THSD7A: variants seen among roughly 807,000 people sequenced by gnomAD.
THSD7A encodes the protein thrombospondin type 1 domain containing 7A, also known as thrombospondin type-1 domain-containing protein 7A.
A neutral mutation model predicts 231.3 loss-of-function variants in THSD7A; 96 were observed. The observed-to-expected ratio is 0.41, with a 90% CI of 0.35 to 0.49. The LOEUF (loss-of-function observed/expected upper bound fraction) is 0.49. Among genes scored for constraint, THSD7A ranks in the 20% least tolerant of loss-of-function variants. The probability of loss-of-function intolerance (pLI) is 0.05; values close to 1 mark genes in which losing one functional copy is unlikely to be tolerated. For missense variants in THSD7A, 2,290 were observed against 2,070.2 expected (o/e 1.11, Z -2.06); for synonymous variants, 940 against 743.3 (o/e 1.26, Z -4.30).
intron 1 of THSD7A, among the ~76,000 whole-genome samples, chr7:11,828,507 A>G (rs919710283): frequency 6.6e-6 from 1 of 152,160 alleles, no homozygotes; most frequent in Admixed American, 6.5e-5. Context: ...GTTCATGTGT[A>G]TGGTATGCCA....
chr7:11,822,665 A>C (rs913999793), intron 1 of THSD7A, among the ~76,000 whole-genome samples: 2 of 152,050 alleles, frequency 1.3e-5, no homozygotes, highest in Non-Finnish European at 2.9e-5. Flanking sequence ...CATTCCCACC[A>C]ATCATGTAGT....
intron 1 of THSD7A, among the ~76,000 whole-genome samples, chr7:11,732,848 A>AT (rs1047268558): frequency 2.0e-5 from 3 of 151,506 alleles, no homozygotes; most frequent in African/African-American, 7.3e-5. Flanking sequence ...CCTCATACAG[A>AT]TTCTTTTAAA....
intron 1 of THSD7A, among the ~76,000 whole-genome samples, chr7:11,756,170 T>G (rs1217932659): frequency 6.6e-6 from 1 of 152,112 alleles, no homozygotes; most frequent in East Asian, 1.9e-4. Flanking sequence ...CCCTTCCACA[T>G]CTATTATGTT....
intron 4 of THSD7A, among the ~76,000 whole-genome samples, chr7:11,588,376 A>G (rs1780005951): frequency 6.6e-6 from 1 of 152,170 alleles, no homozygotes; most frequent in African/African-American, 2.4e-5. Flanking sequence ...CAAAGACTTT[A>G]AGAAGTTCGT....
At chr7:11,724,262 C>T (rs902929000) in intron 1 of THSD7A, among the ~76,000 whole-genome samples, 3 of 151,872 alleles carry the variant, frequency 2.0e-5, no homozygotes, top group African/African-American at 7.2e-5. Flanking sequence ...AGTTCTGGAG[C>T]TAAACTATAT....
chr7:11,776,251 C>T (rs1783402183), intron 1 of THSD7A, among the ~76,000 whole-genome samples: 2 of 152,112 alleles, frequency 1.3e-5, no homozygotes, highest in African/African-American at 2.4e-5. Flanking sequence ...TCCTGCAGGG[C>T]GGTGAACAAA....
chr7:11,664,213 G>C (rs1394642369), intron 1 of THSD7A, among the ~76,000 whole-genome samples: 1 of 150,826 alleles, frequency 6.6e-6, no homozygotes, highest in Non-Finnish European at 1.5e-5. Context: ...TTATGTGTTA[G>C]AAGAATAAAT....
chr7:11,403,338 A>C (rs896960326), intron 22 of THSD7A, among the ~76,000 whole-genome samples: 18 of 152,206 alleles, frequency 1.2e-4, no homozygotes, highest in African/African-American at 4.3e-4. Context: ...CGTAATAGCA[A>C]AATGGAGTGA....
In THSD7A at chr7:11,370,902, A is replaced by G. The variant is rs1039433410; in HGVS notation, c.*4892T>C. ...ATCTAAATGTTTACTTTCTAAAAAT[A>G]AACACAAACAGATTTCTGAAAAATA... On this transcript the variant is annotated 3_prime_UTR_variant, in exon 28 of 28. Transcript: ENST00000423059. The G allele has an allele frequency of 6.6e-6, 1 of 152,194 alleles. No individual in the cohort carries two copies. The highest frequency in any genetic ancestry group is 2.1e-4 in the South Asian group (1 of 4,836). 9.4% of individuals were successfully genotyped at this position (152,194 alleles called of 1,614,324 possible). A position where few individuals can be genotyped will look rare whatever the true frequency, so the allele number is the denominator to read the frequency against.
At chr7:11,400,986 T>C (rs1273060864) in intron 23 of THSD7A, among the ~76,000 whole-genome samples, 4 of 152,158 alleles carry the variant, frequency 2.6e-5, no homozygotes, top group African/African-American at 9.7e-5. Flanking sequence ...ATTGCTTACA[T>C]TGAGTGAATG....
intron 1 of THSD7A, among the ~76,000 whole-genome samples, chr7:11,744,719 G>T (rs1386312726): frequency 1.3e-5 from 2 of 151,176 alleles, no homozygotes; most frequent in African/African-American, 4.9e-5. Context: ...GTGATAGTTT[G>T]CTGAGAATGA....
At chr7:11,739,565 C>T (rs1022573120) in intron 1 of THSD7A, among the ~76,000 whole-genome samples, 1 of 151,776 alleles carries the variant, frequency 6.6e-6, no homozygotes, top group Non-Finnish European at 1.5e-5. Flanking sequence ...TCATCTCTTT[C>T]TTTAAAATTT....
intron 4 of THSD7A, among the ~76,000 whole-genome samples, chr7:11,549,085 G>A (rs1439803910): frequency 6.6e-6 from 1 of 151,864 alleles, no homozygotes; most frequent in African/African-American, 2.4e-5. Context: ...AGTGGGAAAG[G>A]GCATGAAAAG....
At chr7:11,493,385 A>G (rs1786976322) in intron 6 of THSD7A, among the ~76,000 whole-genome samples, 1 of 152,120 alleles carries the variant, frequency 6.6e-6, no homozygotes, top group African/African-American at 2.4e-5. Context: ...GAATGAGTCT[A>G]GCTCACACGT....
chr7:11,652,113 T>C (rs1181988729), intron 1 of THSD7A, among the ~76,000 whole-genome samples: 1 of 151,934 alleles, frequency 6.6e-6, no homozygotes, highest in Non-Finnish European at 1.5e-5. Flanking sequence ...GTTTCCTTTT[T>C]TATCAAAATT....
At chr7:11,499,658 A>G (rs1224553963) in intron 6 of THSD7A, among the ~76,000 whole-genome samples, 7 of 152,238 alleles carry the variant, frequency 4.6e-5, no homozygotes, top group Non-Finnish European at 1.0e-4. Context: ...ATAACACAAG[A>G]ATGTCACAAT....
intron 23 of THSD7A, among the ~76,000 whole-genome samples, chr7:11,400,770 C>T (rs1290107272): frequency 6.6e-6 from 1 of 152,146 alleles, no homozygotes; most frequent in African/African-American, 2.4e-5. Context: ...ACACTTTAAG[C>T]TTTTGTCTCC....
intron 1 of THSD7A, among the ~76,000 whole-genome samples, chr7:11,806,850 T>A (rs1195163062): frequency 6.6e-6 from 1 of 152,132 alleles, no homozygotes; most frequent in Non-Finnish European, 1.5e-5. Flanking sequence ...GTGTGCCTTT[T>A]AGGCCTTCTA....
At position 11,428,947 on chromosome 7, in the gene THSD7A, C is replaced by A; in HGVS notation, c.3243G>T (p.Gln1081His). 1 of 1,599,630 alleles carries A rather than the reference C, an allele frequency of 6.3e-7. No individual in the cohort carries two copies. The highest frequency in any genetic ancestry group is 8.5e-7 in the Non-Finnish European group (1 of 1,174,740). The change falls in exon 14 of 28, where the codon CAG (glutamine) becomes CAT (histidine). Residue 1081 changes from glutamine to histidine, a missense_variant and splice_region_variant. Gln to His is a conservative substitution (Grantham distance 24). Coordinates refer to ENST00000423059, the MANE Select transcript of THSD7A (RefSeq NM_015204.3). Reference protein sequence around the residue: ...RPCPKLDHVNQAQVYEVVPCH... With the variant: ...RPCPKLDHVNHAQVYEVVPCH... ...TAACACTGTCAATGATAGAAAATAC[C>A]TGGTTGACATGGTCCAGTTTGGGGC...
Sources: allele counts gnomAD v4.1 joint callset (sites outside exome capture counted in the v4.1 genomes callset), GRCh38; gene constraint gnomAD v4.1.1; transcripts MANE v1.5; gene names NCBI Gene and HGNC (gene_info 2026-07-23, HGNC 2026-07-21).